The following SOX6 variants were observed in gnomAD, a reference collection of about 807,000 sequenced individuals.
The protein encoded by SOX6 is SRY-box transcription factor 6.
A neutral mutation model predicts 97.8 loss-of-function variants in SOX6; 11 were observed. The ratio of observed to expected loss-of-function variants is 0.11; its 90% CI spans 0.07 to 0.19. The LOEUF is 0.19. Ranked by LOEUF, SOX6 falls within the 10% of genes least tolerant of loss-of-function variation. SOX6 has a pLI of 1.00. For missense variants in SOX6, 810 were observed against 1,039.5 expected (o/e 0.78, Z 3.04); for synonymous variants, 360 against 371.4 (o/e 0.97, Z 0.35).
In SOX6 at chr11:16,605,561, G is replaced by C. The variant is rs1848324915; in HGVS notation, n.609+6520C>G. 6.6e-6 allele frequency among the ~76,000 whole-genome samples: 1 copy of C among 152,158 alleles called. No individual in the cohort carries two copies. The highest frequency in any genetic ancestry group is 1.5e-5 in the Non-Finnish European group (1 of 68,026). ...AAAGTTGCGGCGGAGCGGCGGTGGGGTGAGGGTGGGAGGAGGGAGCGCAAG... is the reference window on the plus strand; with the variant it reads ...AAAGTTGCGGCGGAGCGGCGGTGGGCTGAGGGTGGGAGGAGGGAGCGCAAG... On this transcript the variant is annotated intron_variant and non_coding_transcript_variant, in intron 4 of 5. Transcript: ENST00000524520. The surrounding 1 kb of genome is among the most constrained non-coding windows in gnomAD (Gnocchi z 5.3).
intron 1 of SOX6, among the ~76,000 whole-genome samples, chr11:16,413,057 C>A (rs1356371098): frequency 6.6e-6 from 1 of 152,170 alleles, no homozygotes; most frequent in Non-Finnish European, 1.5e-5. Flanking sequence ...AAACAGTAAA[C>A]AGCAAAAGAG....
intron 15 of SOX6, among the ~76,000 whole-genome samples, chr11:15,976,610 G>A (rs376388615): frequency 1.4e-4 from 21 of 152,150 alleles, no homozygotes; most frequent in East Asian, 9.7e-4. Flanking sequence ...TGGAATTGGC[G>A]GTTAATTGTA....
intron 4 of SOX6, among the ~76,000 whole-genome samples, chr11:16,209,814 A>G (rs542426333): frequency 1.3e-3 from 202 of 152,272 alleles, no homozygotes; most frequent in African/African-American, 4.5e-3. Flanking sequence ...TTTTGAATAA[A>G]TGAAAAATGT....
chr11:16,399,037 T>G (rs548189520), intron 1 of SOX6, among the ~76,000 whole-genome samples: 47 of 151,474 alleles, frequency 3.1e-4, no homozygotes, highest in East Asian at 2.7e-3. Context: ...ACTGAACTAG[T>G]AGAACTCAGA....
chr11:16,727,768 C>T (rs1848318511), intron 2 of SOX6, among the ~76,000 whole-genome samples: 1 of 152,018 alleles, frequency 6.6e-6, no homozygotes, highest in Admixed American at 6.6e-5. Context: ...ACAAGAACAA[C>T]ACAGGAATGT....
intron 3 of SOX6, among the ~76,000 whole-genome samples, chr11:16,702,079 AATTCAGTTCAC>A (rs1482196714): frequency 6.6e-6 from 1 of 152,210 alleles, no homozygotes; most frequent in Non-Finnish European, 1.5e-5. Context: ...CCCTAATATC[AATTCAGTTCAC>A]AAAGAAGTAC....
chr11:16,538,396 G>A (rs1251358737), intron 4 of SOX6, among the ~76,000 whole-genome samples: 2 of 152,164 alleles, frequency 1.3e-5, no homozygotes, highest in South Asian at 2.1e-4. Flanking sequence ...GACCATCGAT[G>A]CTATGAAGAA....
chr11:16,217,742 A>G (rs1373492328), intron 4 of SOX6, among the ~76,000 whole-genome samples: 1 of 152,120 alleles, frequency 6.6e-6, no homozygotes, highest in Non-Finnish European at 1.5e-5. Context: ...TTTCAAGTCG[A>G]TCTATACTCC....
intron 1 of SOX6, among the ~76,000 whole-genome samples, chr11:16,467,251 C>G (rs1322337991): frequency 6.6e-6 from 1 of 152,136 alleles, no homozygotes; most frequent in Non-Finnish European, 1.5e-5. Flanking sequence ...TACCTAAAGA[C>G]AGAAATACCA....
chr11:16,349,647 A>G (rs1856860981), intron 1 of SOX6, among the ~76,000 whole-genome samples: 1 of 144,086 alleles, frequency 6.9e-6, no homozygotes, highest in South Asian at 2.4e-4. Context: ...AAGAGGAAAG[A>G]AAACAGAAGA....
chr11:16,141,013 C>A (rs1196685250), intron 6 of SOX6, among the ~76,000 whole-genome samples: 2 of 151,896 alleles, frequency 1.3e-5, no homozygotes, highest in African/African-American at 4.8e-5. Context: ...ACATGGGAAG[C>A]TGAGACAGGA....
At chr11:16,164,599 G>A (rs1419264977) in intron 6 of SOX6, among the ~76,000 whole-genome samples, 2 of 151,992 alleles carry the variant, frequency 1.3e-5, no homozygotes, top group Admixed American at 6.6e-5. Context: ...CGAGGCGGGC[G>A]GATCACGAGG....
At chr11:16,163,778 C>A (rs1850815856) in intron 6 of SOX6, among the ~76,000 whole-genome samples, 1 of 152,198 alleles carries the variant, frequency 6.6e-6, no homozygotes, top group South Asian at 2.1e-4. Flanking sequence ...AGATAGCAAC[C>A]TGCACTATCT....
upstream of SOX6, among the ~76,000 whole-genome samples, chr11:16,478,710 G>A (rs1860294667): frequency 6.6e-6 from 1 of 152,172 alleles, no homozygotes; most frequent in Non-Finnish European, 1.5e-5. Context: ...GGCTAAACAA[G>A]CAACATTTTA....
chr11:16,029,118 A>G (rs1278678986), intron 12 of SOX6, among the ~76,000 whole-genome samples: 5 of 152,252 alleles, frequency 3.3e-5, no homozygotes, highest in Admixed American at 2.0e-4. Context: ...GTGCTTCAAC[A>G]TAAACAATCC....
intron 1 of SOX6, among the ~76,000 whole-genome samples, chr11:16,451,714 T>A (rs1859718213): frequency 6.6e-6 from 1 of 152,062 alleles, no homozygotes. Context: ...GTATTGTGCA[T>A]CCTAATCAAC....
At chr11:15,978,779 G>A (rs907553896) in intron 15 of SOX6, among the ~76,000 whole-genome samples, 1 of 134,922 alleles carries the variant, frequency 7.4e-6, no homozygotes, top group Non-Finnish European at 1.6e-5. Flanking sequence ...AGGAGCAAAG[G>A]GCTCACTGGA....
chr11:16,600,810 T>C (rs1012501917), intron 4 of SOX6, among the ~76,000 whole-genome samples: 3 of 151,866 alleles, frequency 2.0e-5, no homozygotes, highest in African/African-American at 7.3e-5. Context: ...GATGGGAGAG[T>C]TTCTGACACA....
At chr11:16,074,609 C>G (rs927087729) in intron 9 of SOX6, among the ~76,000 whole-genome samples, 2 of 152,052 alleles carry the variant, frequency 1.3e-5, no homozygotes, top group Admixed American at 6.6e-5. Context: ...ATCACATGCA[C>G]AATAGCCACA....
Sources: gnomAD v4.1 joint callset for allele counts (sites outside exome capture counted in the v4.1 genomes callset) on GRCh38, gnomAD v4.1.1 for gene constraint, Gnocchi (gnomAD v3.1) non-coding constraint, MANE v1.5 for transcripts, NCBI Gene and HGNC (gene_info 2026-07-23, HGNC 2026-07-21) for gene names.